Variants in LRP6 observed in about 807,000 individuals in gnomAD.
LRP6 encodes the protein low-density lipoprotein receptor-related protein 6.
In LRP6, 43 loss-of-function variants were observed where a neutral mutation model predicts 184.1. The ratio of observed to expected loss-of-function variants is 0.23; its 90% CI spans 0.18 to 0.30. The LOEUF is 0.30. Among genes scored for constraint, LRP6 ranks in the 10% least tolerant of loss-of-function variants. The probability of loss-of-function intolerance (pLI) is 1.00; values close to 1 mark genes in which losing one functional copy is unlikely to be tolerated. For missense variants in LRP6, 1,571 were observed against 2,005.3 expected (o/e 0.78, Z 4.14); for synonymous variants, 719 against 684.9 (o/e 1.05, Z -0.78).
In LRP6 at chr12:12,244,488, T is replaced by C; in HGVS notation, c.223A>G (p.Ile75Val). 6.2e-7 allele frequency: 1 copy of C among 1,614,230 alleles called. No homozygotes were observed. The highest frequency in any genetic ancestry group is 1.1e-5 in the South Asian group (1 of 91,084). Residue 75 changes from isoleucine (I) to valine (V), a missense_variant, in exon 2 of 23, where the codon ATT (isoleucine) becomes GTT (valine). Physicochemically the swap from Ile to Val is conservative, Grantham distance 29. Transcript: ENST00000261349. ...IYWSDVSEEA[I>V]KRTEFNKTES... is the part of the protein sequence containing the mutation. ...GTTTTGTTAAATTCTGTTCGTTTAA[T>C]GGCTTCTTCGCTGACATCACTCCAG...
At chr12:12,205,969 T>C (rs954148787) in intron 2 of LRP6, among the ~76,000 whole-genome samples, 2 of 152,220 alleles carry the variant, frequency 1.3e-5, no homozygotes, top group African/African-American at 4.8e-5. Flanking sequence ...ACTACAATAC[T>C]GTATTGTCAC....
chr12:12,127,646 G>T (rs773110381), intron 19 of LRP6, among the ~76,000 whole-genome samples: 2 of 151,910 alleles, frequency 1.3e-5, no homozygotes, highest in Non-Finnish European at 2.9e-5. Context: ...TGAGCTACCC[G>T]TTTAAGAAGC....
chr12:12,255,084 ACT>A (rs1865427317), intron 1 of LRP6, among the ~76,000 whole-genome samples: 1 of 152,160 alleles, frequency 6.6e-6, no homozygotes, highest in Non-Finnish European at 1.5e-5. Context: ...CTTCTCAATG[ACT>A]CTTATTCCAT....
rs557557091 is a variant in LRP6, at chr12:12,181,856, G to A, written c.977-417C>T. On this transcript the variant is annotated intron_variant, in intron 5 of 22. Coordinates refer to ENST00000261349, the MANE Select transcript of LRP6 (RefSeq NM_002336.3). The stretch of plus-strand genomic sequence containing the variant: ...GGACAAGAATCTTTGTGCTTGATAG[G>A]AATGTTCTAAAATTGGATTGTGGTG... 4.0e-4 allele frequency among the ~76,000 whole-genome samples: 61 copies of A among 152,278 alleles called. 1 individual carries two copies. In the South Asian group the frequency reaches 5.4e-3, roughly 13 times the overall value.
At chr12:12,224,184 T>C (rs1449225674) in intron 2 of LRP6, among the ~76,000 whole-genome samples, 3 of 152,210 alleles carry the variant, frequency 2.0e-5, no homozygotes, top group Non-Finnish European at 2.9e-5. Context: ...TCCTAAAAGA[T>C]GGTCTTTTAA....
At chr12:12,125,230 A>G in intron 21 of LRP6, 66 bp downstream of exon 21, 1 of 1,587,846 alleles carries the variant, frequency 6.3e-7, no homozygotes, top group East Asian at 2.2e-5. Flanking sequence ...GATCACCCAC[A>G]TTTAAATGAG....
At chr12:12,249,361 G>A in intron 1 of LRP6, 3 of 1,061,070 alleles carry the variant, frequency 2.8e-6, no homozygotes, top group Admixed American at 3.4e-5. Context: ...AAGAGCTTTG[G>A]CGCCTAATGG....
chr12:12,247,176 A>G (rs951887346), intron 1 of LRP6, among the ~76,000 whole-genome samples: 2 of 152,200 alleles, frequency 1.3e-5, no homozygotes, highest in Non-Finnish European at 2.9e-5. Flanking sequence ...ATCAGAAAAA[A>G]GGTCCCTACT....
At chr12:12,192,772 G>C (rs2137017919) in intron 3 of LRP6, among the ~76,000 whole-genome samples, 1 of 151,924 alleles carries the variant, frequency 6.6e-6, no homozygotes, top group Non-Finnish European at 1.5e-5. Flanking sequence ...AGGAAAAATG[G>C]GCAGTTCAAT....
chr12:12,245,603 TAC>T (rs769483631), intron 1 of LRP6, among the ~76,000 whole-genome samples: 146 of 152,310 alleles, frequency 9.6e-4, no homozygotes, highest in Admixed American at 2.0e-3. Flanking sequence ...ATAAAACTGT[TAC>T]AGTTTGACAG....
chr12:12,263,476 G>T (rs183191916), intron 1 of LRP6, among the ~76,000 whole-genome samples: 1 of 151,356 alleles, frequency 6.6e-6, no homozygotes, highest in African/African-American at 2.4e-5. Flanking sequence ...GCGTGAACCC[G>T]GCAGGCAGAG....
At chr12:12,184,404 AC>A (rs1751333012) in intron 4 of LRP6, among the ~76,000 whole-genome samples, 5 of 122,200 alleles carry the variant, frequency 4.1e-5, no homozygotes, top group Admixed American at 2.8e-4. Flanking sequence ...AAACAAACAA[AC>A]AAACAAAACC....
At chr12:12,188,520 A>G (rs1177305299) in intron 3 of LRP6, among the ~76,000 whole-genome samples, 1 of 152,234 alleles carries the variant, frequency 6.6e-6, no homozygotes, top group Non-Finnish European at 1.5e-5. Flanking sequence ...ACAGACTACC[A>G]GCATATTAAA....
At chr12:12,241,504 T>C (rs1220131406) in intron 2 of LRP6, among the ~76,000 whole-genome samples, 3 of 152,190 alleles carry the variant, frequency 2.0e-5, no homozygotes, top group Admixed American at 6.5e-5. Flanking sequence ...ATCAAATGTA[T>C]ATATACCATT....
chr12:12,223,572 C>T (rs1439388373), intron 2 of LRP6, among the ~76,000 whole-genome samples: 1 of 152,150 alleles, frequency 6.6e-6, no homozygotes, highest in Non-Finnish European at 1.5e-5. Context: ...ACACCCTCCC[C>T]CAGTCTGTGA....
chr12:12,264,646 T>C (rs949692121), intron 1 of LRP6, among the ~76,000 whole-genome samples: 3 of 152,198 alleles, frequency 2.0e-5, no homozygotes, highest in Non-Finnish European at 4.4e-5. Flanking sequence ...TTTTTCTCCT[T>C]GGAGTCCAAG....
intron 1 of LRP6, among the ~76,000 whole-genome samples, chr12:12,266,239 A>G (rs774085075): frequency 6.6e-6 from 1 of 152,172 alleles, no homozygotes; most frequent in Non-Finnish European, 1.5e-5. Flanking sequence ...CACCTAAGAA[A>G]CACCGAAACG....
In LRP6 at chr12:12,119,990, A is replaced by ATATAT. The variant is rs1406561763; in HGVS notation, c.*1135_*1136insATATA. On this transcript the variant is annotated 3_prime_UTR_variant, in exon 23 of 23. Coordinates refer to ENST00000261349, the MANE Select transcript of LRP6 (RefSeq NM_002336.3). ...ACTCAGAAAACAAACAAACAAACAAAATATATATATATATATATATATATA... is the reference window on the plus strand; with the variant it reads ...ACTCAGAAAACAAACAAACAAACAAATATATATATATATATATATATATATATATA... 2.2e-5 allele frequency: 1 copy of ATATAT among 45,514 alleles called. No individual in the cohort carries two copies. The highest frequency in any genetic ancestry group is 3.0e-4 in the Admixed American group (1 of 3,280). The allele number at this position is 45,514 out of a possible 1,614,324, so 2.8% of individuals were successfully genotyped here. A position where few individuals can be genotyped will look rare whatever the true frequency, so the allele number is the denominator to read the frequency against.
intron 11 of LRP6, 80 bp from the exon 12 acceptor site, chr12:12,159,235 G>GGA (rs1565578210): frequency 1.1e-6 from 1 of 900,170 alleles, no homozygotes; most frequent in Non-Finnish European, 1.7e-6. Flanking sequence ...CTGGCAAAAA[G>GGA]AAAAAAAAAA....
Sources: gnomAD v4.1 joint callset for allele counts (sites outside exome capture counted in the v4.1 genomes callset) on GRCh38, gnomAD v4.1.1 for gene constraint, MANE v1.5 for transcripts, NCBI Gene and HGNC (gene_info 2026-07-23, HGNC 2026-07-21) for gene names.